Variants in KIRREL3 observed in about 807,000 individuals in gnomAD.
The protein encoded by KIRREL3 is kirre like nephrin family adhesion molecule 3.
KIRREL3 carries 36 observed loss-of-function variants against 89.7 expected under a neutral mutation model. The observed-to-expected ratio is 0.40, with a 90% CI of 0.31 to 0.53. KIRREL3 has a LOEUF of 0.53. Ranked by LOEUF, KIRREL3 falls within the 20% of genes least tolerant of loss-of-function variation. KIRREL3 has a pLI of 0.49. For synonymous variants in KIRREL3, 445 were observed against 441.4 expected, an observed-to-expected ratio of 1.01 and a Z score of -0.10; for missense variants, 864 against 1,056.6, an observed-to-expected ratio of 0.82 and a Z score of 2.53.
chr11:126,954,858 G>A lies in KIRREL3; in HGVS notation c.55+45597C>T, dbSNP rs1344683584. On this transcript the variant is annotated intron_variant, in intron 1 of 16. Coordinates refer to ENST00000525144, the MANE Select transcript of KIRREL3 (RefSeq NM_032531.4). The surrounding 1 kb of genome is among the most constrained non-coding windows in gnomAD (Gnocchi z 4.1). ...GTGTTCACCTATCATCATACGGCAA[G>A]CAGCAGCTCTTAGGTAATGAAAGCA... 2.0e-5 allele frequency among the ~76,000 whole-genome samples: 3 copies of A among 152,182 alleles called. No individual in the cohort carries two copies. The highest frequency in any genetic ancestry group is 4.4e-5 in the Non-Finnish European group (3 of 68,036).
rs553632218 is a variant in KIRREL3 at position 126,900,823 on chromosome 11, T to C, written c.55+99632A>G. 1.4e-4 allele frequency among the ~76,000 whole-genome samples: 22 copies of C among 152,318 alleles called. No homozygotes were observed. The South Asian group carries it at 3.3e-3, about 23-fold the overall frequency. ...AGAGTATTCTGTTTGAGGGAATGCA[T>C]TGTACTTATTTAAAGACATTTTCAA... On this transcript the variant is annotated intron_variant, in intron 1 of 16. Coordinates refer to ENST00000525144, the MANE Select transcript of KIRREL3 (RefSeq NM_032531.4). This position sits in a 1 kb window ranked among gnomAD's most constrained non-coding sequence, Gnocchi z 4.4.
intron 1 of KIRREL3, among the ~76,000 whole-genome samples, chr11:126,691,801 T>C (rs1946887079): frequency 6.6e-6 from 1 of 152,002 alleles, no homozygotes; most frequent in South Asian, 2.1e-4. Context: ...TGAAGAGAAA[T>C]ACATAAATAC....
intron 1 of KIRREL3, among the ~76,000 whole-genome samples, chr11:126,816,595 G>A (rs1287949755): frequency 6.6e-6 from 1 of 152,188 alleles, no homozygotes; most frequent in Non-Finnish European, 1.5e-5. Context: ...GAATTTTGAG[G>A]CCAGACCTGA....
chr11:126,931,416 A>G lies in KIRREL3; in HGVS notation c.55+69039T>C, dbSNP rs1947943911. ...CTTTCCTGTCAATCACTCCACAAGC[A>G]TTCACTGCTGGTTATGTGAAAGGGA... On this transcript the variant is annotated intron_variant, in intron 1 of 16. Transcript: ENST00000525144. This position sits in a 1 kb window ranked among gnomAD's most constrained non-coding sequence, Gnocchi z 5.1. Among the ~76,000 whole-genome samples the G allele has an allele frequency of 6.6e-6, 1 of 152,020 alleles. No homozygotes were observed. The highest frequency in any genetic ancestry group is 1.5e-5 in the Non-Finnish European group (1 of 68,024).
rs569490173 is a variant in KIRREL3, at chr11:126,461,970, G to A, written c.742+1187C>T. ...GCAGTAGCGTTATGTTTGGCGGCAG[G>A]GAGGGGATCTCAGAGGAGAGAAGTC... On this transcript the variant is annotated intron_variant, in intron 6 of 16. Coordinates refer to ENST00000525144, the MANE Select transcript of KIRREL3 (RefSeq NM_032531.4). Among the ~76,000 whole-genome samples, 3 of 152,362 alleles carry A rather than the reference G, an allele frequency of 2.0e-5. No homozygotes were observed. The East Asian group carries it at 5.8e-4, about 29-fold the overall frequency.
In KIRREL3 at chr11:126,776,369, CG is replaced by C. The variant is rs1565722289; in HGVS notation, c.56-213458del. Reference sequence around the variant, plus strand: ...ACACCTGGGCTTCAGGTCTGTCTTACGCAAGTCATGAAACCTCACTGAACCA... The same window carrying C: ...ACACCTGGGCTTCAGGTCTGTCTTACCAAGTCATGAAACCTCACTGAACCA... On this transcript the variant is annotated intron_variant, in intron 1 of 16. Transcript: ENST00000525144. The surrounding 1 kb of genome is among the most constrained non-coding windows in gnomAD (Gnocchi z 4.7). Among the ~76,000 whole-genome samples the C allele has an allele frequency of 6.6e-6, 1 of 152,174 alleles. No individual in the cohort carries two copies. Among genetic ancestry groups the C allele is most frequent in the East Asian group, 1.9e-4 (1 of 5,196 alleles).
At chr11:126,957,841 A>G (rs1948969206) in intron 1 of KIRREL3, among the ~76,000 whole-genome samples, 1 of 152,242 alleles carries the variant, frequency 6.6e-6, no homozygotes, top group South Asian at 2.1e-4. Flanking sequence ...TTTGGTGCCA[A>G]CTTTACCATT....
Position 126,723,395 on chromosome 11 carries a change from A to G in KIRREL3, c.56-160483T>C, listed in dbSNP as rs1248009053. Reference sequence around the variant, plus strand: ...GAAATAGGCAAAGAAGGGAGGGGACAGGCTCTGTTTCATTTCACTCTACCA... The same window carrying G: ...GAAATAGGCAAAGAAGGGAGGGGACGGGCTCTGTTTCATTTCACTCTACCA... On this transcript the variant is annotated intron_variant, in intron 1 of 16. Coordinates refer to ENST00000525144, the MANE Select transcript of KIRREL3 (RefSeq NM_032531.4). The surrounding 1 kb of genome is among the most constrained non-coding windows in gnomAD (Gnocchi z 4.0). Among the ~76,000 whole-genome samples, 1 of 152,186 alleles carries G rather than the reference A, an allele frequency of 6.6e-6. No individual in the cohort carries two copies. The highest frequency in any genetic ancestry group is 1.5e-5 in the Non-Finnish European group (1 of 68,030).
Position 126,605,606 on chromosome 11 carries a change from G to A in KIRREL3, c.56-42694C>T, listed in dbSNP as rs1000319412. On this transcript the variant is annotated intron_variant, in intron 1 of 16. Transcript: ENST00000525144. The surrounding 1 kb of genome is among the most constrained non-coding windows in gnomAD (Gnocchi z 5.7). Reference sequence around the variant, plus strand: ...ACTTCATTTCCCAGAGACAACCGGCGCGTTTTAATAATGTCTACTTGGGTT... The same window carrying A: ...ACTTCATTTCCCAGAGACAACCGGCACGTTTTAATAATGTCTACTTGGGTT... 6.6e-6 allele frequency among the ~76,000 whole-genome samples: 1 copy of A among 152,220 alleles called. No individual in the cohort carries two copies. The highest frequency in any genetic ancestry group is 1.5e-5 in the Non-Finnish European group (1 of 68,042).
chr11:126,588,051 G>A (rs932584421), intron 1 of KIRREL3, among the ~76,000 whole-genome samples: 12 of 152,178 alleles, frequency 7.9e-5, no homozygotes, highest in Non-Finnish European at 5.9e-5. Context: ...TATATCTGCC[G>A]TTTGCTAGCT....
rs909744705 is a variant in KIRREL3, at chr11:126,585,019, C to T, written c.56-22107G>A. 3.3e-5 allele frequency among the ~76,000 whole-genome samples: 5 copies of T among 151,410 alleles called. No homozygotes were observed. In the East Asian group the frequency reaches 5.9e-4, roughly 18 times the overall value. ...CTGCAAGCTCCGCCTCCCGGGTTTA[C>T]GCCATTCTCCTGCCTCAGCCTCCGG... is the stretch of plus-strand genomic sequence containing the variant. On this transcript the variant is annotated intron_variant, in intron 1 of 16. Transcript: ENST00000525144.
At position 126,931,678 on chromosome 11, in the gene KIRREL3, A is replaced by T. The variant is rs1947955215; in HGVS notation, c.55+68777T>A. On this transcript the variant is annotated intron_variant, in intron 1 of 16. Coordinates refer to ENST00000525144, the MANE Select transcript of KIRREL3 (RefSeq NM_032531.4). The surrounding 1 kb of genome is among the most constrained non-coding windows in gnomAD (Gnocchi z 5.1). The stretch of plus-strand genomic sequence containing the variant: ...TAATTTAAATATGGAATAGTGGCAG[A>T]TACCCATATTCATTCTTCCTTACAG... Among the ~76,000 whole-genome samples, 1 of 152,250 alleles carries T rather than the reference A, an allele frequency of 6.6e-6. No homozygotes were observed. The highest frequency in any genetic ancestry group is 1.5e-5 in the Non-Finnish European group (1 of 68,056).
chr11:126,469,144 G>A (rs1272230643), intron 5 of KIRREL3, among the ~76,000 whole-genome samples: 2 of 152,222 alleles, frequency 1.3e-5, no homozygotes, highest in East Asian at 1.9e-4. Flanking sequence ...GGGAGGCACG[G>A]CAAGGTGAGG....
intron 6 of KIRREL3, among the ~76,000 whole-genome samples, chr11:126,460,706 C>T (rs118018065): frequency 2.6e-5 from 4 of 152,198 alleles, no homozygotes; most frequent in African/African-American, 4.8e-5. Context: ...CCCTGTTGAA[C>T]GATCTTCTGT....
In KIRREL3 at chr11:126,521,883, T is replaced by A. The variant is rs55657763; in HGVS notation, c.284-419A>T. On this transcript the variant is annotated intron_variant, in intron 3 of 16. Transcript: ENST00000525144. The surrounding 1 kb of genome is among the most constrained non-coding windows in gnomAD (Gnocchi z 4.1). ...CCTCAGCCTCCCAAGTAGCTGGGAC[T>A]ACAGACATGCACCACCACGTCGGCT... Among the ~76,000 whole-genome samples the A allele has an allele frequency of 0.029, 4,422 of 152,150 alleles. 207 individuals carry two copies. Among genetic ancestry groups the A allele is most frequent in the African/African-American group, 0.1 (4,217 of 41,472 alleles).
intron 2 of KIRREL3, among the ~76,000 whole-genome samples, chr11:126,556,596 C>T (rs1939724872): frequency 6.6e-6 from 1 of 152,070 alleles, no homozygotes; most frequent in Admixed American, 6.6e-5. Flanking sequence ...CACGATGGTA[C>T]CACTGCACTC....
intron 1 of KIRREL3, among the ~76,000 whole-genome samples, chr11:126,962,356 A>C (rs373305096): frequency 1.3e-5 from 2 of 152,182 alleles, no homozygotes; most frequent in Non-Finnish European, 2.9e-5. Context: ...AGTTGATTCC[A>C]ATCCTCACGG....
chr11:126,511,523 T>C (rs1958221219), intron 4 of KIRREL3, among the ~76,000 whole-genome samples: 1 of 152,144 alleles, frequency 6.6e-6, no homozygotes, highest in African/African-American at 2.4e-5. Flanking sequence ...TGACCATAGC[T>C]GTTAGTCTTG....
At chr11:126,500,778 A>G (rs1394611616) in intron 4 of KIRREL3, among the ~76,000 whole-genome samples, 1 of 151,972 alleles carries the variant, frequency 6.6e-6, no homozygotes, top group Non-Finnish European at 1.5e-5. Flanking sequence ...AAAACAGTAT[A>G]TATTTTCACT....
Sources: gnomAD v4.1 joint callset for allele counts (sites outside exome capture counted in the v4.1 genomes callset) on GRCh38, gnomAD v4.1.1 for gene constraint, Gnocchi (gnomAD v3.1) non-coding constraint, MANE v1.5 for transcripts, NCBI Gene and HGNC (gene_info 2026-07-23, HGNC 2026-07-21) for gene names.